The following GSE1 variants were observed in gnomAD, a reference collection of about 807,000 sequenced individuals.
GSE1 encodes the protein genetic suppressor element 1.
A neutral mutation model predicts 112.6 loss-of-function variants in GSE1; 32 were observed. The observed-to-expected ratio is 0.28, with a 90% CI of 0.21 to 0.38. The LOEUF (loss-of-function observed/expected upper bound fraction) is 0.38. GSE1 is among the 10% of genes least tolerant of loss of function. The pLI is 1.00. For missense variants in GSE1, 2,348 were observed against 1,699.2 expected, an observed-to-expected ratio of 1.38 and a Z score of -6.71; for synonymous variants, 1,115 against 735.6, an observed-to-expected ratio of 1.52 and a Z score of -8.35.
chr16:85,607,427 C>T (rs2047757664), upstream of GSE1, among the ~76,000 whole-genome samples: 1 of 152,232 alleles, frequency 6.6e-6, no homozygotes, highest in Non-Finnish European at 1.5e-5. Flanking sequence ...GCTCACAAAG[C>T]GAGGCAATTA....
intron 1 of GSE1, among the ~76,000 whole-genome samples, chr16:85,624,429 C>A (rs1456166535): frequency 6.6e-6 from 1 of 152,296 alleles, no homozygotes; most frequent in African/African-American, 2.4e-5. Context: ...CTGGGGGAGG[C>A]CTCGAGTCCA....
chr16:85,331,507 A>ATGTGTATATG (rs1463838311), intron 1 of GSE1, among the ~76,000 whole-genome samples: 1 of 119,580 alleles, frequency 8.4e-6, no homozygotes, highest in South Asian at 2.7e-4. Flanking sequence ...ATGTGTATAT[A>ATGTGTATATG]TGTATATATG....
intron 2 of GSE1, among the ~76,000 whole-genome samples, chr16:85,396,544 C>T (rs947911878): frequency 1.3e-5 from 2 of 152,250 alleles, no homozygotes; most frequent in African/African-American, 4.8e-5. Context: ...ACTGCCTGGC[C>T]ACTGCCAGAG....
chr16:85,243,303 C>T (rs758809207), intron 1 of GSE1, among the ~76,000 whole-genome samples: 4 of 152,234 alleles, frequency 2.6e-5, no homozygotes, highest in Admixed American at 6.5e-5. Flanking sequence ...GCCAGTGGAG[C>T]AGGTTCTTTC....
At chr16:85,481,185 C>T (rs1031448111) in intron 2 of GSE1, among the ~76,000 whole-genome samples, 1 of 152,248 alleles carries the variant, frequency 6.6e-6, no homozygotes, top group African/African-American at 2.4e-5. Context: ...CCCAGGTTTA[C>T]ACCCAGCCTC....
chr16:85,353,497 T>C (rs1428267723), intron 1 of GSE1, among the ~76,000 whole-genome samples: 1 of 152,230 alleles, frequency 6.6e-6, no homozygotes, highest in East Asian at 1.9e-4. Context: ...TTTCGGGGAT[T>C]AGTTGCTGAC....
At chr16:85,434,912 C>G (rs1379538375) in intron 2 of GSE1, among the ~76,000 whole-genome samples, 2 of 152,242 alleles carry the variant, frequency 1.3e-5, no homozygotes, top group Non-Finnish European at 2.9e-5. Flanking sequence ...GGGGTGGGCC[C>G]CTGTGGTCGC....
intron 2 of GSE1, among the ~76,000 whole-genome samples, chr16:85,451,051 G>A (rs938995275): frequency 5.1e-5 from 7 of 138,056 alleles, no homozygotes; most frequent in African/African-American, 1.9e-4. Flanking sequence ...TCAAGCCTGG[G>A]TGACAAGAGC....
chr16:85,597,711 T>G (rs1305791804), intron 1 of GSE1, among the ~76,000 whole-genome samples: 2 of 152,200 alleles, frequency 1.3e-5, no homozygotes, highest in Non-Finnish European at 2.9e-5. Context: ...GCTCAAGTGT[T>G]CTGCCTGCCT....
intron 2 of GSE1, among the ~76,000 whole-genome samples, chr16:85,506,116 A>G (rs1417854359): frequency 6.6e-6 from 1 of 152,062 alleles, no homozygotes; most frequent in Non-Finnish European, 1.5e-5. Flanking sequence ...GACACCAGCT[A>G]TTGTGTGCAG....
At chr16:85,437,877 T>C (rs57070993) in intron 2 of GSE1, among the ~76,000 whole-genome samples, 2,721 of 152,302 alleles carry the variant, frequency 0.018, 47 homozygotes, top group East Asian at 0.1. Context: ...TCAGGCATGT[T>C]GCTGAACCTT....
chr16:85,650,542 C>T (rs923134736), intron 3 of GSE1, among the ~76,000 whole-genome samples: 3 of 152,350 alleles, frequency 2.0e-5, no homozygotes, highest in South Asian at 2.1e-4. Flanking sequence ...GCGACTCCTC[C>T]GCTCTGAGCT....
chr16:85,669,313 TCA>T lies in GSE1; in HGVS notation c.3415+892_3415+893del, dbSNP rs555718378. ...ACATGTCCTAGAGGACTCTTTATCA[TCA>T]CATATGACAGTGTTGTAAATATCAT... On this transcript the variant is annotated intron_variant, in intron 14 of 15. Transcript: ENST00000253458. Among the ~76,000 whole-genome samples, 36 of 152,292 alleles carry T rather than the reference TCA, an allele frequency of 2.4e-4. No homozygotes were observed. The South Asian group carries it at 7.4e-3, about 32-fold the overall frequency.
intron 2 of GSE1, among the ~76,000 whole-genome samples, chr16:85,548,958 T>C (rs781001669): frequency 2.3e-4 from 35 of 151,944 alleles, no homozygotes; most frequent in South Asian, 2.1e-4. Context: ...TCCAGCTAAT[T>C]TTTATATTTT....
intron 1 of GSE1, among the ~76,000 whole-genome samples, chr16:85,294,348 C>G (rs184836235): frequency 6.6e-6 from 1 of 152,340 alleles, no homozygotes; most frequent in East Asian, 1.9e-4. Flanking sequence ...GGAGTCTGCG[C>G]TTAAAGTGTG....
At chr16:85,390,998 C>T (rs569458923) in intron 2 of GSE1, among the ~76,000 whole-genome samples, 8 of 152,278 alleles carry the variant, frequency 5.3e-5, no homozygotes, top group South Asian at 4.1e-4. Flanking sequence ...ACGGCTCCGC[C>T]GCTGCGCCCT....
At chr16:85,458,297 C>T (rs548191166) in intron 2 of GSE1, among the ~76,000 whole-genome samples, 1 of 152,226 alleles carries the variant, frequency 6.6e-6, no homozygotes, top group Non-Finnish European at 1.5e-5. Context: ...GAGTGCAGCC[C>T]AAGGACACAG....
upstream of GSE1, chr16:85,613,101 C>T: frequency 5.9e-6 from 4 of 682,450 alleles, no homozygotes; most frequent in African/African-American, 1.9e-5. Flanking sequence ...CCCGTCGGTG[C>T]GCGCGCGCGC....
chr16:85,278,887 G>A, intron 1 of GSE1: 1 of 181,264 alleles, frequency 5.5e-6, no homozygotes, highest in East Asian at 1.4e-4. Flanking sequence ...AATTGCTGTA[G>A]AAATCTGCGA....
Sources: gnomAD v4.1 joint callset for allele counts (sites outside exome capture counted in the v4.1 genomes callset) on GRCh38, gnomAD v4.1.1 for gene constraint, MANE v1.5 for transcripts, NCBI Gene and HGNC (gene_info 2026-07-23, HGNC 2026-07-21) for gene names.